Variants in GAA observed in about 807,000 individuals in gnomAD.
GAA encodes the protein alpha glucosidase.
A neutral mutation model predicts 103.9 loss-of-function variants in GAA; 88 were observed. The ratio of observed to expected loss-of-function variants is 0.85; its 90% CI spans 0.71 to 1.01. The LOEUF is 1.01. GAA is among the 50% of genes least tolerant of loss of function. GAA has a pLI of 0.00. For missense variants in GAA, 1,350 were observed against 1,305.3 expected (o/e 1.03, Z -0.53); for synonymous variants, 572 against 563.1 (o/e 1.02, Z -0.22).
At chr17:80,102,661 C>A (rs1407663416) in intron 1 of GAA, 3 of 152,254 alleles carry the variant, frequency 2.0e-5, no homozygotes, top group African/African-American at 4.8e-5. Flanking sequence ...CCACCTCACA[C>A]CAGGCCCTAC....
At chr17:80,108,265 A>G in intron 5 of GAA, 25 bp from the exon 6 acceptor site, 1 of 1,613,346 alleles carries the variant, frequency 6.2e-7, no homozygotes, top group Non-Finnish European at 8.5e-7. Context: ...TCTGTCCCCC[A>G]ACCCCAGAGC....
chr17:80,110,850 GC>G lies in GAA; in HGVS notation c.1551+15del. Reference sequence around the variant, plus strand: ...CGACGGCATGTGGATTGTAAGTGTGGCCCCCTCCTGAGCATCCCCAAGGCCT... The same window carrying G: ...CGACGGCATGTGGATTGTAAGTGTGGCCCCTCCTGAGCATCCCCAAGGCCT... On this transcript the variant is annotated intron_variant, in intron 10 of 19. Transcript: ENST00000302262. The G allele has an allele frequency of 1.2e-6, 2 of 1,613,820 alleles. No homozygotes were observed. The highest frequency in any genetic ancestry group is 1.7e-6 in the Non-Finnish European group (2 of 1,179,782).
chr17:80,111,074 C>CCCTTGTCTGG, intron 11 of GAA, 49 bp downstream of exon 11: 1 of 1,563,300 alleles, frequency 6.4e-7, no homozygotes, highest in Non-Finnish European at 8.8e-7. Context: ...ATCAGAGACT[C>CCCTTGTCTGG]CCTTGTCTGG....
At chr17:80,105,921 G>A (rs2039075714) in intron 3 of GAA, 27 bp downstream of exon 3, 1 of 1,573,286 alleles carries the variant, frequency 6.4e-7, no homozygotes, top group Non-Finnish European at 8.6e-7. Context: ...GTGCCAGCAT[G>A]ATGGGGAGGG....
At position 80,117,725 on chromosome 17, in the gene GAA, G is replaced by A; in HGVS notation, c.2457G>A (p.Arg819=). ...TGGACACCATCAACGTCCACCTCCG[G>A]GCTGGGTACATCATCCCCCTGCAGG... ...APLDTINVHL[R]AGYIIPLQGP... Residue 819 remains arginine, a synonymous_variant, in exon 17 of 20, where the codon CGG becomes CGA. Transcript: ENST00000302262. 1.9e-6 allele frequency: 3 copies of A among 1,611,252 alleles called. No homozygotes were observed. Among genetic ancestry groups the A allele is most frequent in the Non-Finnish European group, 2.5e-6 (3 of 1,179,444 alleles).
rs112710614 is a variant in GAA at position 80,113,973 on chromosome 17, G to A, written c.2189+607G>A. Among the ~76,000 whole-genome samples the A allele has an allele frequency of 0.065, 9,735 of 150,618 alleles. 335 individuals carry two copies. Among genetic ancestry groups the A allele is most frequent in the African/African-American group, 0.077 (3,147 of 41,012 alleles). On this transcript the variant is annotated intron_variant, in intron 15 of 19. Transcript: ENST00000302262. ...GAGGAGATTGCAGTGAGCCGAGATC[G>A]CGCCACTGTACTCCAGCCTGTGTGA...
chr17:80,111,043 C>T lies in GAA; in HGVS notation c.1636+18C>T, dbSNP rs779571852. 5.6e-6 allele frequency: 9 copies of T among 1,610,238 alleles called. No individual in the cohort carries two copies. The South Asian group carries it at 6.6e-5, about 12-fold the overall frequency. ...CGTGCCTGGTCAGCTCGCCCCCCAC[C>T]TACCCTGGGGACTTAATCAAATCAG... is the stretch of plus-strand genomic sequence containing the variant. On this transcript the variant is annotated intron_variant, in intron 11 of 19. Transcript: ENST00000302262.
In GAA at chr17:80,107,568, C is replaced by T. The variant is rs752950890; in HGVS notation, c.704C>T (p.Thr235Met). 7.4e-6 allele frequency: 12 copies of T among 1,612,952 alleles called. No individual in the cohort carries two copies. The highest frequency in any genetic ancestry group is 4.4e-5 in the South Asian group (4 of 91,090). ...QLDGRVLLNT[T>M]VAPLFFADQF... ...CCTCTGTCCCGCAGGCTGAACACGA[C>T]GGTGGCGCCCCTGTTCTTTGCGGAC... Residue 235 changes from threonine to methionine, a missense_variant, in exon 4 of 20, where the codon ACG becomes ATG. Physicochemically the swap from Thr to Met is moderately conservative, Grantham distance 81 (BLOSUM62 -1). Transcript: ENST00000302262.
chr17:80,105,736 C>T lies in GAA; in HGVS notation c.547-13C>T. On this transcript the variant is annotated splice_polypyrimidine_tract_variant and intron_variant, in intron 2 of 19. Coordinates refer to ENST00000302262, the MANE Select transcript of GAA (RefSeq NM_000152.5). ...GGCTGTGGGGAACATCAATAAACCC[C>T]CATCTCTTCTAGATCAAAGATCCAG... The T allele has an allele frequency of 6.2e-7, 1 of 1,611,770 alleles. No individual in the cohort carries two copies. Among genetic ancestry groups the T allele is most frequent in the Non-Finnish European group, 8.5e-7 (1 of 1,179,884 alleles).
At position 80,109,984 on chromosome 17, in the gene GAA, A is replaced by T; in HGVS notation, c.1366A>T (p.Arg456Trp). 2 of 1,613,316 alleles carry T rather than the reference A, an allele frequency of 1.2e-6. No individual in the cohort carries two copies. Among genetic ancestry groups the T allele is most frequent in the Non-Finnish European group, 1.7e-6 (2 of 1,179,914 alleles). Residue 456 changes from arginine (R) to tryptophan (W), a missense_variant, in exon 9 of 20, where the codon AGG (arginine) becomes TGG (tryptophan). By Grantham distance (101) the Arg-to-Trp change is moderately radical. Transcript: ENST00000302262. ...CAGCTCGGGCCCTGCCGGGAGCTAC[A>T]GGCCCTACGACGAGGGTCTGCGGAG... ...ISSSGPAGSY[R>W]PYDEGLRRGV...
chr17:80,111,607 G>A, intron 11 of GAA: 1 of 338,280 alleles, frequency 3.0e-6, no homozygotes, highest in South Asian at 3.0e-5. Flanking sequence ...ATGGGCCTGG[G>A]AGAAGGTTTG....
intron 11 of GAA, 103 bp from the exon 12 acceptor site, chr17:80,111,880 G>T: frequency 1.1e-6 from 1 of 931,894 alleles, no homozygotes; most frequent in Non-Finnish European, 1.7e-6. Flanking sequence ...AGCCTGAAGA[G>T]GCAGCGACCT....
rs747910205 is a variant in GAA, at chr17:80,108,835, GC to G, written c.1326+12del. ...GCGCTACATGATGATCGTGGTGTGT[GC>G]CCCCACACTGTGGGTCTTTGGGAAG... On this transcript the variant is annotated splice_region_variant and intron_variant, in intron 8 of 19. Transcript: ENST00000302262. 1.3e-6 allele frequency: 2 copies of G among 1,584,034 alleles called. No homozygotes were observed. The highest frequency in any genetic ancestry group is 2.3e-5 in the South Asian group (2 of 87,648).
intron 10 of GAA, 49 bp downstream of exon 10, chr17:80,110,889 C>T (rs2304843): frequency 1.2e-6 from 2 of 1,613,034 alleles, no homozygotes; most frequent in Non-Finnish European, 1.7e-6. Flanking sequence ...GGGGACTACC[C>T]CACCCTCCTC....
chr17:80,108,901 G>A (rs772798983), intron 8 of GAA, 73 bp downstream of exon 8: 114 of 1,496,782 alleles, frequency 7.6e-5, no homozygotes, highest in African/African-American at 2.1e-4. Flanking sequence ...TCTGTGCAGC[G>A]TCATCCTCGT....
At chr17:80,112,775 C>T in intron 13 of GAA, 64 bp downstream of exon 13, 2 of 1,575,902 alleles carry the variant, frequency 1.3e-6, no homozygotes, top group African/African-American at 1.3e-5. Context: ...GGGAGGCTTG[C>T]CGGGGCCCCC....
At chr17:80,108,186 G>A in intron 5 of GAA, 104 bp from the exon 6 acceptor site, 1 of 1,592,806 alleles carries the variant, frequency 6.3e-7, no homozygotes, top group East Asian at 2.2e-5. Flanking sequence ...GCTCCTCGTG[G>A]GGAGAGAGCC....
At position 80,113,376 on chromosome 17, in the gene GAA, C is replaced by A; in HGVS notation, c.2189+10C>A. ...GGCCCCTCTTCCTGGAGTGAGTGAC[C>A]TAGGCAGGGGCGGTGGCCCATGTGT... is the stretch of plus-strand genomic sequence containing the variant. On this transcript the variant is annotated intron_variant, in intron 15 of 19. Transcript: ENST00000302262. The A allele has an allele frequency of 6.4e-7, 1 of 1,561,450 alleles. No homozygotes were observed. The highest frequency in any genetic ancestry group is 8.7e-7 in the Non-Finnish European group (1 of 1,150,174).
chr17:80,110,828 C>T lies in GAA; in HGVS notation c.1539C>T (p.Asp513=), dbSNP rs150990571. 36 of 1,613,968 alleles carry T rather than the reference C, an allele frequency of 2.2e-5. 1 individual carries two copies. The highest frequency in any genetic ancestry group is 3.3e-5 in the Admixed American group (2 of 60,000). ...VAEFHDQVPF[D]GMWIDMNEPS... is the part of the protein sequence containing the mutation. ...AGTTCCATGACCAGGTGCCCTTCGA[C>T]GGCATGTGGATTGTAAGTGTGGCCC... The change falls in exon 10 of 20, where the codon GAC becomes GAT. Residue 513 remains aspartate, a synonymous_variant. Transcript: ENST00000302262.
Sources: gnomAD v4.1 joint callset for allele counts (sites outside exome capture counted in the v4.1 genomes callset) on GRCh38, gnomAD v4.1.1 for gene constraint, MANE v1.5 for transcripts, NCBI Gene and HGNC (gene_info 2026-07-23, HGNC 2026-07-21) for gene names.